WDR25: variants seen among roughly 807,000 people sequenced by gnomAD.
WDR25 encodes the protein WD repeat-containing protein 25.
Under a neutral mutation model 47.7 loss-of-function variants are expected in WDR25, and 35 were observed. The observed-to-expected ratio is 0.73, with a 90% CI of 0.56 to 0.97. WDR25 has a LOEUF of 0.97. Ranked by LOEUF, WDR25 falls within the 50% of genes least tolerant of loss-of-function variation. WDR25 has a pLI of 0.00. For synonymous variants in WDR25, 248 were observed against 278.9 expected (o/e 0.89, Z 1.10); for missense variants, 634 against 704.7 (o/e 0.90, Z 1.14).
At chr14:100,417,279 C>T (rs1287501480) in intron 2 of WDR25, among the ~76,000 whole-genome samples, 1 of 152,250 alleles carries the variant, frequency 6.6e-6, no homozygotes, top group Non-Finnish European at 1.5e-5. Flanking sequence ...AGAGAGGCAG[C>T]CGTACCTGGA....
intron 3 of WDR25, among the ~76,000 whole-genome samples, chr14:100,473,298 C>T (rs1899906562): frequency 6.6e-6 from 1 of 152,130 alleles, no homozygotes; most frequent in Non-Finnish European, 1.5e-5. Context: ...TTTCATGGAC[C>T]CAGAAACTGA....
At chr14:100,408,513 C>T (rs1429815131) in intron 2 of WDR25, among the ~76,000 whole-genome samples, 2 of 152,002 alleles carry the variant, frequency 1.3e-5, no homozygotes, top group Non-Finnish European at 2.9e-5. Flanking sequence ...CCCTCCAGCG[C>T]CCCCTCTGTG....
chr14:100,517,138 C>T (rs1403209270), intron 4 of WDR25, among the ~76,000 whole-genome samples: 1 of 105,652 alleles, frequency 9.5e-6, no homozygotes, highest in African/African-American at 4.0e-5. Flanking sequence ...TTTTTTGAGA[C>T]GGAGTCTCGC....
chr14:100,513,795 T>C (rs1395397304), intron 4 of WDR25, among the ~76,000 whole-genome samples: 1 of 152,040 alleles, frequency 6.6e-6, no homozygotes, highest in Non-Finnish European at 1.5e-5. Flanking sequence ...CCTAAAGTGC[T>C]AGGATTACAG....
At chr14:100,458,109 G>C (rs1309825650) in intron 2 of WDR25, among the ~76,000 whole-genome samples, 1 of 152,114 alleles carries the variant, frequency 6.6e-6, no homozygotes, top group Non-Finnish European at 1.5e-5. Flanking sequence ...GACAAAGATT[G>C]TTAGGTTGGA....
Position 100,413,521 on chromosome 14 carries a change from C to T in WDR25, c.822+31775C>T, listed in dbSNP as rs190802106. On this transcript the variant is annotated intron_variant, in intron 2 of 6. Transcript: ENST00000402312. ...CTCCGCCTCCCGGGTTCACGCCATT[C>T]TCCTGCCTCAGCCTCCCGAGTAGCT... is the stretch of plus-strand genomic sequence containing the variant. Among the ~76,000 whole-genome samples, 135 of 151,930 alleles carry T rather than the reference C, an allele frequency of 8.9e-4. 3 individuals are homozygous for T. The East Asian group carries it at 0.025, about 29-fold the overall frequency.
intron 3 of WDR25, among the ~76,000 whole-genome samples, chr14:100,472,870 C>T (rs1412818877): frequency 1.3e-5 from 2 of 152,240 alleles, no homozygotes; most frequent in African/African-American, 2.4e-5. Context: ...CTCATGGCTG[C>T]AGGAGGCCTA....
At chr14:100,471,187 G>A (rs1308490926) in intron 3 of WDR25, among the ~76,000 whole-genome samples, 2 of 152,130 alleles carry the variant, frequency 1.3e-5, no homozygotes, top group African/African-American at 4.8e-5. Context: ...TGGCTGGCTT[G>A]GGAGCTCCAT....
At chr14:100,441,701 C>T (rs1315838915) in intron 2 of WDR25, among the ~76,000 whole-genome samples, 1 of 152,254 alleles carries the variant, frequency 6.6e-6, no homozygotes, top group African/African-American at 2.4e-5. Context: ...TGAAATGGGA[C>T]AATCCTACTT....
chr14:100,478,724 TTTTG>T (rs778110907), intron 3 of WDR25, among the ~76,000 whole-genome samples: 19 of 152,336 alleles, frequency 1.2e-4, no homozygotes, highest in South Asian at 8.3e-4. Context: ...CATTCAGATT[TTTTG>T]TTTGTTTGTT....
At chr14:100,382,160 AC>A (rs760156888) in intron 2 of WDR25, 11 of 702,628 alleles carry the variant, frequency 1.6e-5, no homozygotes, top group South Asian at 1.5e-4. Context: ...AGGTAGGTAG[AC>A]CCAGCCCCTG....
At position 100,381,499 on chromosome 14, in the gene WDR25, G is replaced by A. The variant is rs866627333; in HGVS notation, c.575G>A (p.Gly192Asp). 3 of 1,614,046 alleles carry A rather than the reference G, an allele frequency of 1.9e-6. No individual in the cohort carries two copies. The African/African-American group carries it at 4.0e-5, about 22-fold the overall frequency. ...RQRQALSTET[G>D]KGKDVEPQGP... is the part of the protein sequence containing the mutation. ...CGGCAGGCATTAAGCACGGAGACAG[G>A]CAAGGGTAAAGACGTGGAGCCACAG... Residue 192 changes from glycine (G) to aspartate (D), a missense_variant, in exon 2 of 7, where the codon GGC becomes GAC. Transcript: ENST00000402312.
intron 2 of WDR25, among the ~76,000 whole-genome samples, chr14:100,397,386 T>A (rs962262861): frequency 6.6e-6 from 1 of 152,238 alleles, no homozygotes; most frequent in South Asian, 2.1e-4. Context: ...GATGGAAAGT[T>A]GTTACTGGTA....
At chr14:100,401,844 C>G (rs1425952178) in intron 2 of WDR25, among the ~76,000 whole-genome samples, 1 of 152,198 alleles carries the variant, frequency 6.6e-6, no homozygotes, top group East Asian at 1.9e-4. Context: ...TATGCAGGCA[C>G]TTGCCATTTT....
intron 2 of WDR25, among the ~76,000 whole-genome samples, chr14:100,432,639 G>A (rs1201468): frequency 0.77 from 116,851 of 152,192 alleles, 45,105 homozygotes; most frequent in East Asian, 0.9. Flanking sequence ...TTGGTACCAT[G>A]TAAGAGTAAG....
chr14:100,519,252 G>A (rs561589044), intron 4 of WDR25, among the ~76,000 whole-genome samples: 1 of 149,876 alleles, frequency 6.7e-6, no homozygotes, highest in East Asian at 1.9e-4. Flanking sequence ...GTGTGTGTGT[G>A]TAATTTATAG....
chr14:100,530,159 G>A lies in WDR25; in HGVS notation c.*118G>A. 1 of 1,012,498 alleles carries A rather than the reference G, an allele frequency of 9.9e-7. No individual in the cohort carries two copies. Among genetic ancestry groups the A allele is most frequent in the Non-Finnish European group, 1.4e-6 (1 of 700,062 alleles). 62.7% of individuals were successfully genotyped at this position (1,012,498 alleles called of 1,614,324 possible). ...CTGTGGGTCCTGGGTACCACCTTCT[G>A]AGCCTCAGTTTCCTCATCTGTAAAG... On this transcript the variant is annotated 3_prime_UTR_variant, in exon 7 of 7. Transcript: ENST00000402312.
intron 4 of WDR25, among the ~76,000 whole-genome samples, chr14:100,524,029 T>C (rs2029989021): frequency 2.0e-5 from 3 of 152,266 alleles, no homozygotes; most frequent in Admixed American, 2.0e-4. Flanking sequence ...GCCACATTAT[T>C]GGCAGGGATC....
rs141759256 is a variant in WDR25, at chr14:100,509,437, C to T, written c.1102-16433C>T. Among the ~76,000 whole-genome samples, 274 of 152,218 alleles carry T rather than the reference C, an allele frequency of 1.8e-3. 1 individual carries two copies. The highest frequency in any genetic ancestry group is 6.4e-3 in the African/African-American group (267 of 41,510). On this transcript the variant is annotated intron_variant, in intron 4 of 6. Transcript: ENST00000402312. ...GTTGATCTGAGTGCCAATCTGGTAT[C>T]ACTACCCCCCAGGCTGCAGAACTTC...
Sources: gnomAD v4.1 joint callset for allele counts (sites outside exome capture counted in the v4.1 genomes callset) on GRCh38, gnomAD v4.1.1 for gene constraint, MANE v1.5 for transcripts, NCBI Gene and HGNC (gene_info 2026-07-23, HGNC 2026-07-21) for gene names.